The following TMEM154 variants were observed in gnomAD, a reference collection of about 807,000 sequenced individuals.
TMEM154 encodes the protein transmembrane protein 154.
A neutral mutation model predicts 24.5 loss-of-function variants in TMEM154; 27 were observed. The observed-to-expected ratio is 1.10, with a 90% CI of 0.81 to 1.52. TMEM154 has a LOEUF of 1.52. TMEM154 is among the 40% of genes most tolerant of loss of function. The probability of loss-of-function intolerance (pLI) is 0.00; values close to 1 mark genes in which losing one functional copy is unlikely to be tolerated. For synonymous variants in TMEM154, 67 were observed against 76.8 expected (o/e 0.87, Z 0.67); for missense variants, 228 against 213.4 (o/e 1.07, Z -0.43).
intron 6 of TMEM154, among the ~76,000 whole-genome samples, chr4:152,633,235 CGTG>C (rs1752084244): frequency 3.9e-5 from 6 of 152,164 alleles, no homozygotes; most frequent in Admixed American, 3.9e-4. Context: ...CTCTGTGGAC[CGTG>C]AGCAACGGAC....
chr4:152,644,587 C>T, intron 3 of TMEM154, 145 bp from the exon 4 acceptor site: 1 of 795,098 alleles, frequency 1.3e-6, no homozygotes, highest in Admixed American at 2.3e-5. Context: ...AACTTAGAGT[C>T]AAAGAAGTGT....
At chr4:152,679,370 G>A (rs72721684) in intron 1 of TMEM154, among the ~76,000 whole-genome samples, 7,082 of 149,480 alleles carry the variant, frequency 0.047, 281 homozygotes, top group Non-Finnish European at 0.067. Flanking sequence ...ATAATTTCCC[G>A]TTTCCTTTTT....
chr4:152,644,845 T>C (rs1752325859), intron 3 of TMEM154, among the ~76,000 whole-genome samples: 2 of 152,350 alleles, frequency 1.3e-5, no homozygotes, highest in African/African-American at 4.8e-5. Flanking sequence ...TGATACACCA[T>C]GCTGAACACT....
chr4:152,639,684 C>T (rs1460692681), intron 6 of TMEM154: 2 of 152,486 alleles, frequency 1.3e-5, no homozygotes, highest in African/African-American at 4.8e-5. Context: ...ACAATCATAG[C>T]TCACTACAAT....
At chr4:152,660,824 T>G (rs902751135) in intron 1 of TMEM154, among the ~76,000 whole-genome samples, 2 of 152,190 alleles carry the variant, frequency 1.3e-5, no homozygotes, top group African/African-American at 2.4e-5. Context: ...TCGGCTTTAC[T>G]GGGGCTCTTG....
chr4:152,656,110 C>A lies in TMEM154; in HGVS notation c.65-3183G>T, dbSNP rs1228907665. Among the ~76,000 whole-genome samples, 9 of 152,158 alleles carry A rather than the reference C, an allele frequency of 5.9e-5. No individual in the cohort carries two copies. In the East Asian group the frequency reaches 1.7e-3, roughly 29 times the overall value. On this transcript the variant is annotated intron_variant, in intron 1 of 6. Transcript: ENST00000304385. ...GTTGGCATCCACCCTCATGTACCAG[C>A]TACAGGCCTGGGGACTGGCCTGCCC...
chr4:152,629,362 A>G (rs904060295), intron 6 of TMEM154, among the ~76,000 whole-genome samples: 1 of 152,226 alleles, frequency 6.6e-6, no homozygotes, highest in Non-Finnish European at 1.5e-5. Context: ...TCTCAGTGTC[A>G]TTTAGAATTC....
chr4:152,643,312 G>T, intron 4 of TMEM154, 139 bp from the exon 5 acceptor site: 1 of 636,022 alleles, frequency 1.6e-6, no homozygotes, highest in Non-Finnish European at 2.7e-6. Flanking sequence ...CTGGGGGCTT[G>T]CCCTATTCCA....
chr4:152,667,913 T>C (rs1163473698), intron 1 of TMEM154, among the ~76,000 whole-genome samples: 1 of 152,272 alleles, frequency 6.6e-6, no homozygotes, highest in Non-Finnish European at 1.5e-5. Context: ...TATTTTTACC[T>C]CCTTGAATTG....
chr4:152,679,376 T>A (rs1159432706), intron 1 of TMEM154, among the ~76,000 whole-genome samples: 1 of 139,300 alleles, frequency 7.2e-6, no homozygotes, highest in African/African-American at 2.7e-5. Context: ...TCCCGTTTCC[T>A]TTTTTTTTTT....
intron 5 of TMEM154, among the ~76,000 whole-genome samples, chr4:152,641,966 A>G (rs1178789655): frequency 8.8e-6 from 1 of 113,090 alleles, no homozygotes; most frequent in Non-Finnish European, 1.6e-5. Flanking sequence ...TCTGTCACCC[A>G]GGCTGGAGTG....
chr4:152,673,640 T>TTTGATACATTTGGC (rs1728896466), intron 1 of TMEM154, among the ~76,000 whole-genome samples: 1 of 152,226 alleles, frequency 6.6e-6, no homozygotes. Context: ...CAACATGACT[T>TTTGATACATTTGGC]TTGATACATT....
intron 1 of TMEM154, among the ~76,000 whole-genome samples, chr4:152,654,060 A>C (rs2149785060): frequency 6.6e-6 from 1 of 152,214 alleles, no homozygotes; most frequent in South Asian, 2.1e-4. Flanking sequence ...GAAAAAGAAA[A>C]AAGAAAAGGA....
intron 6 of TMEM154, among the ~76,000 whole-genome samples, chr4:152,630,876 A>T (rs953312310): frequency 6.6e-6 from 1 of 152,164 alleles, no homozygotes; most frequent in African/African-American, 2.4e-5. Flanking sequence ...TTGTTCTGTA[A>T]TCTGCTTTTC....
chr4:152,667,010 T>C (rs1258618964), intron 1 of TMEM154: 1 of 152,306 alleles, frequency 6.6e-6, no homozygotes, highest in East Asian at 1.9e-4. Context: ...TTTACTTTTC[T>C]CTAGTTCATT....
At chr4:152,658,171 A>G (rs1728527190) in intron 1 of TMEM154, among the ~76,000 whole-genome samples, 1 of 152,214 alleles carries the variant, frequency 6.6e-6, no homozygotes, top group Non-Finnish European at 1.5e-5. Context: ...ATTAAATAAC[A>G]TGCTCCTGAA....
At chr4:152,679,606 AG>A (rs935303895) in intron 1 of TMEM154, among the ~76,000 whole-genome samples, 29 of 152,272 alleles carry the variant, frequency 1.9e-4, no homozygotes, top group African/African-American at 6.5e-4. Context: ...GGTAAATTAC[AG>A]GGACGCACAC....
At chr4:152,638,377 G>T (rs1752188664) in intron 6 of TMEM154, among the ~76,000 whole-genome samples, 1 of 152,252 alleles carries the variant, frequency 6.6e-6, no homozygotes, top group African/African-American at 2.4e-5. Flanking sequence ...AAGTCTCATA[G>T]TAGATCAAAC....
intron 1 of TMEM154, among the ~76,000 whole-genome samples, chr4:152,656,759 G>A (rs897528787): frequency 2.0e-5 from 3 of 151,818 alleles, no homozygotes; most frequent in South Asian, 2.1e-4. Context: ...CCATCTCTAC[G>A]AAAAATACAA....
Sources: allele counts gnomAD v4.1 joint callset (sites outside exome capture counted in the v4.1 genomes callset), GRCh38; gene constraint gnomAD v4.1.1; transcripts MANE v1.5; gene names NCBI Gene and HGNC (gene_info 2026-07-23, HGNC 2026-07-21).